EPS15: variants seen among roughly 807,000 people sequenced by gnomAD.
EPS15 encodes the protein epidermal growth factor receptor substrate 15.
EPS15 carries 72 observed loss-of-function variants against 113.8 expected under a neutral mutation model. That is an observed-to-expected ratio of 0.63 (90% CI 0.52 to 0.77). The LOEUF is 0.77. Ranked by LOEUF, EPS15 falls within the 30% of genes least tolerant of loss-of-function variation. The probability of loss-of-function intolerance (pLI) is 0.00; values close to 1 mark genes in which losing one functional copy is unlikely to be tolerated. For missense variants in EPS15, 1,048 were observed against 1,045.8 expected, an observed-to-expected ratio of 1.00 and a Z score of -0.03; for synonymous variants, 344 against 363.4, an observed-to-expected ratio of 0.95 and a Z score of 0.61.
chr1:51,436,143 A>G (rs1652134104), intron 12 of EPS15, among the ~76,000 whole-genome samples: 1 of 152,234 alleles, frequency 6.6e-6, no homozygotes, highest in Non-Finnish European at 1.5e-5. Flanking sequence ...ACCACAGGGC[A>G]GCATACTGTG....
intron 5 of EPS15, among the ~76,000 whole-genome samples, chr1:51,466,866 C>A (rs1654878729): frequency 6.6e-6 from 1 of 150,836 alleles, no homozygotes; most frequent in East Asian, 1.9e-4. Context: ...TCTGTCTCTT[C>A]AAAAAAAATA....
chr1:51,359,965 T>C (rs978814175), intron 24 of EPS15, among the ~76,000 whole-genome samples: 2 of 151,994 alleles, frequency 1.3e-5, no homozygotes, highest in African/African-American at 2.4e-5. Context: ...TACAGTGGCA[T>C]GATCACAGCT....
chr1:51,406,755 AC>A (rs1420750643), intron 15 of EPS15, among the ~76,000 whole-genome samples: 4 of 152,216 alleles, frequency 2.6e-5, no homozygotes, highest in Non-Finnish European at 5.9e-5. Context: ...TGGGACAAGA[AC>A]TGTGCTAAAT....
At chr1:51,426,055 G>C (rs1162007458) in intron 12 of EPS15, among the ~76,000 whole-genome samples, 1 of 151,954 alleles carries the variant, frequency 6.6e-6, no homozygotes, top group Non-Finnish European at 1.5e-5. Context: ...ATATGGTTTT[G>C]AAACCATCAG....
At chr1:51,476,722 T>C (rs1017836901) in intron 2 of EPS15, among the ~76,000 whole-genome samples, 1 of 152,212 alleles carries the variant, frequency 6.6e-6, no homozygotes, top group Non-Finnish European at 1.5e-5. Context: ...ATCTTAGTTA[T>C]TTCTCATTGG....
At position 51,446,998 on chromosome 1, in the gene EPS15, C is replaced by T. The variant is rs1266103738; in HGVS notation, c.759G>A (p.Leu253=). ...GTAAGGTAGAAGGTAAACCTGTTTT[C>T]AAGAATATTTCACGGACCTCCAATC... ...VSGLEVREIF[L]KTGLPSTLLA... Residue 253 remains leucine, a synonymous_variant, in exon 10 of 25, where the codon TTG becomes TTA. Coordinates refer to ENST00000371733, the MANE Select transcript of EPS15 (RefSeq NM_001981.3). 8.1e-6 allele frequency: 13 copies of T among 1,613,412 alleles called. No homozygotes were observed. Among genetic ancestry groups the T allele is most frequent in the Non-Finnish European group, 1.1e-5 (13 of 1,179,504 alleles).
chr1:51,424,907 A>AAAAAT (rs986960309), intron 12 of EPS15, among the ~76,000 whole-genome samples: 2 of 152,102 alleles, frequency 1.3e-5, no homozygotes, highest in African/African-American at 4.8e-5. Flanking sequence ...TGTCTCAAAA[A>AAAAAT]AAAATAAAAT....
intron 15 of EPS15, among the ~76,000 whole-genome samples, chr1:51,406,566 T>G (rs1040482404): frequency 1.3e-5 from 2 of 152,232 alleles, no homozygotes; most frequent in Non-Finnish European, 2.9e-5. Flanking sequence ...CTACGTGACT[T>G]AGAGAAAAGA....
At chr1:51,384,475 A>G (rs967143371) in intron 21 of EPS15, among the ~76,000 whole-genome samples, 2 of 150,978 alleles carry the variant, frequency 1.3e-5, no homozygotes, top group Non-Finnish European at 3.0e-5. Flanking sequence ...TAATTTTTGC[A>G]TTTTTTTGTA....
At chr1:51,458,650 T>A in intron 8 of EPS15, 1 of 406,816 alleles carries the variant, frequency 2.5e-6, no homozygotes, top group Non-Finnish European at 5.0e-6. Context: ...GGTGGAAGAA[T>A]AACTTGAATC....
At chr1:51,440,661 A>G (rs975301608) in intron 11 of EPS15, among the ~76,000 whole-genome samples, 1 of 152,002 alleles carries the variant, frequency 6.6e-6, no homozygotes, top group African/African-American at 2.4e-5. Flanking sequence ...CTGTTATTCT[A>G]TACTATGTAC....
At chr1:51,438,846 C>G (rs1012573548) in intron 12 of EPS15, among the ~76,000 whole-genome samples, 1 of 151,744 alleles carries the variant, frequency 6.6e-6, no homozygotes, top group Non-Finnish European at 1.5e-5. Flanking sequence ...TGTCTCTTAA[C>G]GTGATGTGTG....
At chr1:51,409,904 A>C (rs1649537647) in intron 13 of EPS15, among the ~76,000 whole-genome samples, 1 of 152,038 alleles carries the variant, frequency 6.6e-6, no homozygotes, top group South Asian at 2.1e-4. Context: ...TGCTAACTCA[A>C]ATCTGTCCTT....
intron 21 of EPS15, chr1:51,372,382 T>G: frequency 1.9e-6 from 1 of 536,692 alleles, no homozygotes; most frequent in South Asian, 1.4e-5. Context: ...GGTGTGCTTT[T>G]GGGGTCATGG....
chr1:51,509,178 A>G (rs369317779), intron 1 of EPS15, among the ~76,000 whole-genome samples: 2 of 152,140 alleles, frequency 1.3e-5, no homozygotes, highest in East Asian at 3.9e-4. Context: ...CACAGGAGGC[A>G]TCTAGTAAAT....
intron 8 of EPS15, among the ~76,000 whole-genome samples, chr1:51,460,510 G>C (rs1464540738): frequency 6.6e-6 from 1 of 152,102 alleles, no homozygotes; most frequent in African/African-American, 2.4e-5. Context: ...TAAGATACCT[G>C]GTCAGGTTGT....
At chr1:51,379,062 G>T (rs1403858280) in intron 21 of EPS15, among the ~76,000 whole-genome samples, 1 of 152,214 alleles carries the variant, frequency 6.6e-6, no homozygotes, top group African/African-American at 2.4e-5. Flanking sequence ...CAGAAACAAA[G>T]ATAGCACTGT....
intron 12 of EPS15, among the ~76,000 whole-genome samples, chr1:51,434,937 G>T (rs1652021564): frequency 1.3e-5 from 2 of 152,060 alleles, no homozygotes; most frequent in Admixed American, 6.5e-5. Flanking sequence ...CTCCCAAAGT[G>T]CTGGGATTAC....
chr1:51,512,501 T>A (rs970685379), intron 1 of EPS15, among the ~76,000 whole-genome samples: 1 of 151,766 alleles, frequency 6.6e-6, no homozygotes, highest in African/African-American at 2.4e-5. Context: ...AAAAAAAAAT[T>A]CAGAGAAAAA....
Sources: gnomAD v4.1 joint callset for allele counts (sites outside exome capture counted in the v4.1 genomes callset) on GRCh38, gnomAD v4.1.1 for gene constraint, MANE v1.5 for transcripts, NCBI Gene and HGNC (gene_info 2026-07-23, HGNC 2026-07-21) for gene names.